Variants in UQCC2 observed in about 807,000 individuals in gnomAD.
UQCC2 encodes breast cancer-associated protein SGA-81M.
UQCC2 carries 21 observed loss-of-function variants against 19.9 expected under a neutral mutation model. The ratio of observed to expected loss-of-function variants is 1.05; its 90% confidence interval spans 0.75 to 1.52. The LOEUF (loss-of-function observed/expected upper bound fraction) is 1.52. UQCC2 is among the 40% of genes most tolerant of loss of function. The pLI, the probability that UQCC2 is intolerant of heterozygous loss-of-function variation, is 0.00. For synonymous variants in UQCC2, 57 were observed against 60.9 expected, an observed-to-expected ratio of 0.94 and a Z score of 0.30; for missense variants, 135 against 157.5, an observed-to-expected ratio of 0.86 and a Z score of 0.76.
At chr6:33,699,883 C>T (rs73743305) in intron 3 of UQCC2, among the ~76,000 whole-genome samples, 6,608 of 152,284 alleles carry the variant, frequency 0.043, 183 homozygotes, top group Non-Finnish European at 0.051. Context: ...CCTGGCTCTC[C>T]GGCCCCCCTC....
chr6:33,703,505 G>C (rs568988962), intron 1 of UQCC2, among the ~76,000 whole-genome samples: 2 of 152,054 alleles, frequency 1.3e-5, no homozygotes, highest in Non-Finnish European at 1.5e-5. Context: ...GGGGACGCTT[G>C]GGTGAATGAG....
intron 1 of UQCC2, among the ~76,000 whole-genome samples, chr6:33,704,447 G>C (rs1209467904): frequency 3.3e-4 from 51 of 152,300 alleles, no homozygotes; most frequent in East Asian, 2.7e-3. Context: ...GCCGAGGGTG[G>C]CGCTGGAAAC....
rs9469568 is a variant in UQCC2 at position 33,701,817 on chromosome 6, C to G, written c.139-397G>C. ...TACAGGGACTCAGTGGGGGAGTCCC[C>G]GCATGCTCAAGTGGTCAGTGCATGA... On this transcript the variant is annotated intron_variant, in intron 1 of 3. Transcript: ENST00000607484. Among the ~76,000 whole-genome samples, 1,404 of 151,674 alleles carry G rather than the reference C, an allele frequency of 9.3e-3. 31 individuals carry two copies. The highest frequency in any genetic ancestry group is 0.03 in the African/African-American group (1,245 of 41,334).
chr6:33,710,625 AC>A (rs1765755336), intron 1 of UQCC2, among the ~76,000 whole-genome samples: 1 of 152,118 alleles, frequency 6.6e-6, no homozygotes, highest in African/African-American at 2.4e-5. Context: ...CCCACTAATA[AC>A]ATTACCCTTT....
chr6:33,703,869 A>G (rs77500476), intron 1 of UQCC2, among the ~76,000 whole-genome samples: 8,103 of 152,226 alleles, frequency 0.053, 361 homozygotes, highest in African/African-American at 0.13. Context: ...CAATTCTGTC[A>G]ATTGTCTCAA....
intron 1 of UQCC2, among the ~76,000 whole-genome samples, chr6:33,703,957 G>A (rs750723142): frequency 4.1e-4 from 62 of 152,124 alleles, no homozygotes; most frequent in African/African-American, 9.9e-4. Context: ...ATCCGGGACC[G>A]TTCCTCGGCC....
chr6:33,705,177 G>A (rs1765685809), intron 1 of UQCC2, among the ~76,000 whole-genome samples: 2 of 151,962 alleles, frequency 1.3e-5, no homozygotes, highest in African/African-American at 2.4e-5. Context: ...AACTATAGGC[G>A]CCCGCTACCA....
chr6:33,697,661 TATG>T lies in UQCC2; in HGVS notation c.370_372del (p.His124del). The T allele has an allele frequency of 6.2e-7, 1 of 1,613,122 alleles. No individual in the cohort carries two copies. Among genetic ancestry groups the T allele is most frequent in the Non-Finnish European group, 8.5e-7 (1 of 1,179,710 alleles). The stretch of plus-strand genomic sequence containing the variant: ...CGAGGTAAGGCCTGAGCTCAGGCCT[TATG>T]ATCCTCCTCAGGACCCTTGGGGGCA... On this transcript the variant is annotated inframe_deletion, in exon 4 of 4. Transcript: ENST00000607484.
chr6:33,706,695 G>C (rs1197071325), intron 1 of UQCC2, among the ~76,000 whole-genome samples: 1 of 151,840 alleles, frequency 6.6e-6, no homozygotes, highest in Non-Finnish European at 1.5e-5. Context: ...AAGAGGCACA[G>C]GACAAGAGTG....
At chr6:33,700,992 A>G (rs1464988604) in intron 2 of UQCC2, among the ~76,000 whole-genome samples, 2 of 152,192 alleles carry the variant, frequency 1.3e-5, no homozygotes, top group Non-Finnish European at 2.9e-5. Context: ...CAATCATCCC[A>G]TCTTTATCAC....
At chr6:33,706,690 G>A (rs1377132065) in intron 1 of UQCC2, among the ~76,000 whole-genome samples, 1 of 152,212 alleles carries the variant, frequency 6.6e-6, no homozygotes, top group Non-Finnish European at 1.5e-5. Context: ...GCATGAAGAG[G>A]CACAGGACAA....
chr6:33,700,378 C>T, intron 3 of UQCC2, 66 bp downstream of exon 3: 4 of 1,560,982 alleles, frequency 2.6e-6, no homozygotes, highest in Non-Finnish European at 3.5e-6. Flanking sequence ...TAGACAATTC[C>T]CCTTGGCCAC....
At chr6:33,705,483 TCTAA>T (rs761832756) in intron 1 of UQCC2, among the ~76,000 whole-genome samples, 42 of 152,244 alleles carry the variant, frequency 2.8e-4, no homozygotes, top group Non-Finnish European at 5.3e-4. Flanking sequence ...TCAGAAGGTG[TCTAA>T]CTGAGGCTGT....
At position 33,707,585 on chromosome 6, in the gene UQCC2, C is replaced by T. The variant is rs115599225; in HGVS notation, c.138+3964G>A. ...ATTATACTTAAACTTGCATACAATA[C>T]AGTTAGAACTCCCTGGTGGGCGAAG... On this transcript the variant is annotated intron_variant, in intron 1 of 3. Coordinates refer to ENST00000607484, the MANE Select transcript of UQCC2 (RefSeq NM_032340.4). 5.1e-3 allele frequency among the ~76,000 whole-genome samples: 775 copies of T among 152,338 alleles called. 10 individuals are homozygous for T. Among genetic ancestry groups the T allele is most frequent in the South Asian group, 0.035 (169 of 4,832 alleles).
chr6:33,707,919 A>C (rs1260940081), intron 1 of UQCC2, among the ~76,000 whole-genome samples: 1 of 152,246 alleles, frequency 6.6e-6, no homozygotes, highest in East Asian at 1.9e-4. Flanking sequence ...GAGGAGTTAC[A>C]TGTGTTCCCG....
At chr6:33,711,440 C>A (rs952756614) in intron 1 of UQCC2, 109 bp downstream of exon 1, 23 of 1,446,240 alleles carry the variant, frequency 1.6e-5, no homozygotes, top group Non-Finnish European at 2.1e-5. Flanking sequence ...CACGTGCTGC[C>A]TGGAAAGAGG....
At chr6:33,705,172 T>C (rs916412657) in intron 1 of UQCC2, among the ~76,000 whole-genome samples, 1 of 151,978 alleles carries the variant, frequency 6.6e-6, no homozygotes, top group African/African-American at 2.4e-5. Context: ...GCTGGAACTA[T>C]AGGCGCCCGC....
intron 3 of UQCC2, 125 bp downstream of exon 3, chr6:33,700,319 T>C: frequency 9.9e-7 from 1 of 1,011,914 alleles, no homozygotes; most frequent in Non-Finnish European, 1.5e-6. Context: ...GCTTCAGAAT[T>C]TCCTCTGGGC....
intron 1 of UQCC2, among the ~76,000 whole-genome samples, chr6:33,709,146 C>T (rs1212032510): frequency 1.3e-5 from 2 of 152,252 alleles, no homozygotes; most frequent in African/African-American, 4.8e-5. Context: ...GCTCTCTCAC[C>T]TCCCCAAGGA....
Sources: gnomAD v4.1 joint callset for allele counts (sites outside exome capture counted in the v4.1 genomes callset) on GRCh38, gnomAD v4.1.1 for gene constraint, MANE v1.5 for transcripts, NCBI Gene and HGNC (gene_info 2026-07-23, HGNC 2026-07-21) for gene names.